The following KCNC2 variants were observed in gnomAD, a reference collection of about 807,000 sequenced individuals.
The protein encoded by KCNC2 is potassium voltage-gated channel subfamily C member 2.
Under a neutral mutation model 44.5 loss-of-function variants are expected in KCNC2, and 21 were observed. The ratio of observed to expected loss-of-function variants is 0.47; its 90% CI spans 0.33 to 0.68. The LOEUF is 0.68. Ranked by LOEUF, KCNC2 falls within the 30% of genes least tolerant of loss-of-function variation. The pLI is 0.01. For missense variants in KCNC2, 589 were observed against 826.2 expected (o/e 0.71, Z 3.52); for synonymous variants, 391 against 339.1 (o/e 1.15, Z -1.68).
chr12:75,130,801 G>A (rs1454430443), intron 2 of KCNC2, among the ~76,000 whole-genome samples: 1 of 150,028 alleles, frequency 6.7e-6, no homozygotes, highest in Non-Finnish European at 1.5e-5. Flanking sequence ...AAAAAACAAT[G>A]CACATGGGCA....
intron 2 of KCNC2, among the ~76,000 whole-genome samples, chr12:75,191,004 T>C (rs964230889): frequency 3.3e-5 from 5 of 152,108 alleles, no homozygotes; most frequent in African/African-American, 4.8e-5. Context: ...GTAAGATAAC[T>C]ATACCTATGA....
In KCNC2 at chr12:75,050,412, T is replaced by C; in HGVS notation, c.1593A>G (p.Arg531=). ...TACCTGATCTGTTATGTTCCAGAAG[T>C]CGATTGTCTTTGCCCAGACATGTGT... The part of the protein sequence containing the change: ...QSDTCLGKDN[R]LLEHNRSVLS... Residue 531 remains arginine, a synonymous_variant, in exon 3 of 5, where the codon CGA becomes CGG. Transcript: ENST00000549446. 2 of 1,611,630 alleles carry C rather than the reference T, an allele frequency of 1.2e-6. No individual in the cohort carries two copies. Among genetic ancestry groups the C allele is most frequent in the East Asian group, 4.5e-5 (2 of 44,818 alleles).
Position 75,040,729 on chromosome 12 carries a change from A to G in KCNC2, c.*2376T>C, listed in dbSNP as rs1879809656. On this transcript the variant is annotated 3_prime_UTR_variant, in exon 5 of 5. Coordinates refer to ENST00000549446, the MANE Select transcript of KCNC2 (RefSeq NM_139137.4). ...ATAAGAAAATTATACAATCAAGTTC[A>G]TAGATTCAACCAAAGAAGTAGAAAT... 1 of 174,084 alleles carries G rather than the reference A, an allele frequency of 5.7e-6. No individual in the cohort carries two copies. The highest frequency in any genetic ancestry group is 5.7e-5 in the Admixed American group (1 of 17,436). 10.8% of individuals were successfully genotyped at this position (174,084 alleles called of 1,614,324 possible). A position where few individuals can be genotyped will look rare whatever the true frequency, so the allele number is the denominator to read the frequency against.
intron 2 of KCNC2, among the ~76,000 whole-genome samples, chr12:75,155,872 A>C (rs1251577031): frequency 6.6e-6 from 1 of 151,910 alleles, no homozygotes; most frequent in East Asian, 1.9e-4. Context: ...GGTATTATTT[A>C]CAGGGGATGA....
chr12:75,208,951 G>A (rs1034746953), intron 1 of KCNC2, among the ~76,000 whole-genome samples: 5 of 152,214 alleles, frequency 3.3e-5, no homozygotes, highest in African/African-American at 7.2e-5. Context: ...CTTAGTGGGT[G>A]GAGGGTGGGG....
intron 2 of KCNC2, among the ~76,000 whole-genome samples, chr12:75,161,762 T>C (rs538741631): frequency 6.6e-6 from 1 of 151,854 alleles, no homozygotes; most frequent in South Asian, 2.1e-4. Flanking sequence ...CTAGGAAATA[T>C]ATATTTACTC....
chr12:75,048,063 A>C (rs1405565458), intron 4 of KCNC2, 90 bp downstream of exon 4: 1 of 1,184,290 alleles, frequency 8.4e-7, no homozygotes, highest in Non-Finnish European at 1.2e-6. Flanking sequence ...TTTCCTAGAA[A>C]ATGATGAATG....
intron 2 of KCNC2, among the ~76,000 whole-genome samples, chr12:75,114,716 C>A (rs1887515353): frequency 6.6e-6 from 1 of 152,074 alleles, no homozygotes; most frequent in Admixed American, 6.6e-5. Context: ...CTGAGGTTCA[C>A]AAATACTACT....
chr12:75,094,386 T>A (rs1283109177), intron 2 of KCNC2, among the ~76,000 whole-genome samples: 1 of 151,692 alleles, frequency 6.6e-6, no homozygotes. Context: ...AGTAACAGAC[T>A]GATATATGAA....
chr12:75,070,053 CA>C (rs1368580707), intron 2 of KCNC2, among the ~76,000 whole-genome samples: 6 of 152,130 alleles, frequency 3.9e-5, no homozygotes, highest in African/African-American at 1.4e-4. Context: ...TGGATGTTAA[CA>C]ATCATCAGCT....
At chr12:75,134,325 G>T (rs1025188556) in intron 2 of KCNC2, among the ~76,000 whole-genome samples, 2 of 151,958 alleles carry the variant, frequency 1.3e-5, no homozygotes, top group African/African-American at 2.4e-5. Flanking sequence ...ATATAATTAT[G>T]TTGTGATTCT....
At chr12:75,130,741 A>G (rs986991852) in intron 2 of KCNC2, among the ~76,000 whole-genome samples, 9 of 152,050 alleles carry the variant, frequency 5.9e-5, no homozygotes, top group Non-Finnish European at 1.2e-4. Flanking sequence ...TTTTAAAATC[A>G]TACAGAAGTT....
At chr12:75,208,211 T>C (rs983163870) in intron 1 of KCNC2, among the ~76,000 whole-genome samples, 2 of 152,102 alleles carry the variant, frequency 1.3e-5, no homozygotes, top group African/African-American at 4.8e-5. Flanking sequence ...ACTACAGAGA[T>C]AGCAGTCCTA....
Position 75,041,081 on chromosome 12 carries a change from G to C in KCNC2, c.*2024C>G. 1 of 1,592,000 alleles carries C rather than the reference G, an allele frequency of 6.3e-7. No individual in the cohort carries two copies. The highest frequency in any genetic ancestry group is 2.2e-5 in the East Asian group (1 of 44,752). On this transcript the variant is annotated 3_prime_UTR_variant, in exon 5 of 5. Coordinates refer to ENST00000549446, the MANE Select transcript of KCNC2 (RefSeq NM_139137.4). Reference sequence around the variant, plus strand: ...ATGAAGACGCGAGGATCTCTTCCAAGTGCAACCTGGTCACATCAGGGCACA... The same window carrying C: ...ATGAAGACGCGAGGATCTCTTCCAACTGCAACCTGGTCACATCAGGGCACA...
intron 2 of KCNC2, among the ~76,000 whole-genome samples, chr12:75,096,865 T>G (rs1057253451): frequency 1.3e-5 from 2 of 152,094 alleles, no homozygotes; most frequent in Non-Finnish European, 2.9e-5. Context: ...AAGAAATTTC[T>G]ACTTTAAAAT....
intron 2 of KCNC2, among the ~76,000 whole-genome samples, chr12:75,197,477 G>A (rs1292101354): frequency 6.6e-6 from 1 of 151,932 alleles, no homozygotes; most frequent in African/African-American, 2.4e-5. Flanking sequence ...TCCTTAACCT[G>A]TGGGTCTACA....
chr12:75,110,517 A>G (rs1028241067), intron 2 of KCNC2, among the ~76,000 whole-genome samples: 5 of 152,122 alleles, frequency 3.3e-5, no homozygotes, highest in African/African-American at 1.2e-4. Context: ...CCACCTAAGA[A>G]AAGTATGTAA....
intron 2 of KCNC2, among the ~76,000 whole-genome samples, chr12:75,129,275 G>T (rs573378264): frequency 6.6e-6 from 1 of 152,252 alleles, no homozygotes; most frequent in Non-Finnish European, 1.5e-5. Context: ...ACGCTAACAG[G>T]CTGCAGAAGA....
At chr12:75,096,956 T>C (rs1885981500) in intron 2 of KCNC2, among the ~76,000 whole-genome samples, 1 of 152,100 alleles carries the variant, frequency 6.6e-6, no homozygotes, top group Admixed American at 6.6e-5. Flanking sequence ...CATATGAATG[T>C]TTATGAAACT....
Sources: gnomAD v4.1 joint callset for allele counts (sites outside exome capture counted in the v4.1 genomes callset) on GRCh38, gnomAD v4.1.1 for gene constraint, MANE v1.5 for transcripts, NCBI Gene and HGNC (gene_info 2026-07-23, HGNC 2026-07-21) for gene names.